Variants in CRIPTO observed in about 807,000 individuals in gnomAD.
CRIPTO encodes cripto, EGF-CFC family member, also known as protein Cripto.
At chr3:46,578,342 T>C in the CRIPTO span, among the ~76,000 whole-genome samples, 4 of 148,284 alleles carry the variant, frequency 2.7e-5, no homozygotes, top group Admixed American at 2.7e-4. Flanking sequence ...GATTCAATAC[T>C]TGGCAAAACT....
At chr3:46,576,955 A>T in the CRIPTO span, among the ~76,000 whole-genome samples, 1 of 152,012 alleles carries the variant, frequency 6.6e-6, no homozygotes, top group Non-Finnish European at 1.5e-5. Flanking sequence ...CAGGACGGCG[A>T]GGGGCTGGAA....
the CRIPTO span, chr3:46,579,474 A>G: frequency 8.3e-4 from 1,314 of 1,582,034 alleles, 9 homozygotes; most frequent in African/African-American, 0.016. Context: ...GGAACTGTGC[A>G]GGTGCTGGAC....
chr3:46,578,442 C>T, the CRIPTO span, among the ~76,000 whole-genome samples: 4 of 151,508 alleles, frequency 2.6e-5, no homozygotes, highest in African/African-American at 4.9e-5. Context: ...TGGCCGGGTG[C>T]GGTGGCTCAC....
At chr3:46,578,180 G>C in the CRIPTO span, among the ~76,000 whole-genome samples, 1 of 152,230 alleles carries the variant, frequency 6.6e-6, no homozygotes, top group Non-Finnish European at 1.5e-5. Context: ...TTCTAACTTT[G>C]CCATTGGCTT....
At chr3:46,574,693 C>T in the CRIPTO span, 1 of 152,210 alleles carries the variant, frequency 6.6e-6, no homozygotes, top group South Asian at 2.1e-4. Flanking sequence ...TTTAGTTCTA[C>T]GTGTTCTCAA....
chr3:46,579,881 G>T, the CRIPTO span: 4 of 1,614,228 alleles, frequency 2.5e-6, no homozygotes, highest in Admixed American at 6.7e-5. Context: ...GCGGGGAGCC[G>T]TGGAGAGGAG....
chr3:46,579,409 T>C, the CRIPTO span: 1 of 1,613,880 alleles, frequency 6.2e-7, no homozygotes, highest in Non-Finnish European at 8.5e-7. Context: ...TGGCCCTTCA[T>C]GTGTCTCCTG....
chr3:46,574,817 T>G, the CRIPTO span, among the ~76,000 whole-genome samples: 2 of 152,394 alleles, frequency 1.3e-5, no homozygotes, highest in East Asian at 3.9e-4. Context: ...TTGATTATGA[T>G]GTATTTCATT....
the CRIPTO span, chr3:46,579,146 C>G: frequency 2.5e-6 from 4 of 1,613,954 alleles, no homozygotes; most frequent in Admixed American, 1.7e-5. Flanking sequence ...GATTAGTTGC[C>G]GGTGAGAGAC....
At chr3:46,580,735 T>C in the CRIPTO span, among the ~76,000 whole-genome samples, 1 of 152,138 alleles carries the variant, frequency 6.6e-6, no homozygotes, top group Admixed American at 6.5e-5. Context: ...GTTCTGGGCC[T>C]TGGAGATGTT....
the CRIPTO span, among the ~76,000 whole-genome samples, chr3:46,575,938 C>T: frequency 1.3e-5 from 2 of 152,182 alleles, no homozygotes; most frequent in African/African-American, 4.8e-5. Context: ...TTCTCCTTTG[C>T]GGAGCCCTCC....
the CRIPTO span, chr3:46,579,395 G>A: frequency 2.8e-5 from 45 of 1,613,822 alleles, no homozygotes; most frequent in Non-Finnish European, 3.5e-5. Context: ...CGATGCTTCT[G>A]CCCTGGCCCT....
At chr3:46,576,342 C>T in the CRIPTO span, among the ~76,000 whole-genome samples, 2 of 151,784 alleles carry the variant, frequency 1.3e-5, no homozygotes, top group African/African-American at 4.8e-5. Context: ...GTGGCGGGCG[C>T]CTGTAATCCC....
chr3:46,578,287 TACA>T, the CRIPTO span, among the ~76,000 whole-genome samples: 1 of 149,830 alleles, frequency 6.7e-6, no homozygotes, highest in Non-Finnish European at 1.5e-5. Context: ...AGGTCAGTAC[TACA>T]ACCAAATTTA....
chr3:46,577,632 C>T, the CRIPTO span: 15 of 413,228 alleles, frequency 3.6e-5, no homozygotes, highest in East Asian at 9.4e-5. Flanking sequence ...TACAAGACTC[C>T]TCTTCCCGCG....
chr3:46,578,421 T>G, the CRIPTO span, among the ~76,000 whole-genome samples: 1 of 150,314 alleles, frequency 6.7e-6, no homozygotes, highest in Non-Finnish European at 1.5e-5. Flanking sequence ...AAGTGATTGG[T>G]TAAAATAGTT....
At chr3:46,581,622 G>A in the CRIPTO span, 9 of 540,302 alleles carry the variant, frequency 1.7e-5, no homozygotes, top group African/African-American at 7.8e-5. Context: ...CCATTCTCCT[G>A]CCTCAGCCTC....
chr3:46,576,030 T>C, the CRIPTO span, among the ~76,000 whole-genome samples: 1 of 152,134 alleles, frequency 6.6e-6, no homozygotes, highest in Non-Finnish European at 1.5e-5. Context: ...GCATTTCACC[T>C]GAAAAGGCCA....
chr3:46,577,094 G>T, the CRIPTO span: 1 of 152,372 alleles, frequency 6.6e-6, no homozygotes, highest in Non-Finnish European at 1.5e-5. Context: ...CCACTGGAGA[G>T]TCCCAGCTGC....
Sources: gnomAD v4.1 joint callset for allele counts (sites outside exome capture counted in the v4.1 genomes callset) on GRCh38, gnomAD v4.1.1 for gene constraint, MANE v1.5 for transcripts, NCBI Gene and HGNC (gene_info 2026-07-23, HGNC 2026-07-21) for gene names.